TAFA2: variants seen among roughly 807,000 people sequenced by gnomAD.
The protein encoded by TAFA2 is chemokine-like protein TAFA-2.
In TAFA2, 7 loss-of-function variants were observed where a neutral mutation model predicts 18.8. The ratio of observed to expected loss-of-function variants is 0.37; its 90% CI spans 0.21 to 0.70. TAFA2 has a LOEUF of 0.70. Ranked by LOEUF, TAFA2 falls within the 30% of genes least tolerant of loss-of-function variation. The probability of loss-of-function intolerance (pLI) is 0.53; values close to 1 mark genes in which losing one functional copy is unlikely to be tolerated. For missense variants in TAFA2, 122 were observed against 158.1 expected (o/e 0.77, Z 1.23); for synonymous variants, 60 against 54.2 (o/e 1.11, Z -0.47).
At chr12:62,011,536 A>G (rs1040663082) in intron 1 of TAFA2, among the ~76,000 whole-genome samples, 10 of 152,132 alleles carry the variant, frequency 6.6e-5, no homozygotes, top group African/African-American at 2.4e-4. Flanking sequence ...TGTTAAACAG[A>G]TGCTTGAAGG....
chr12:61,765,167 G>C (rs1592374298), intron 2 of TAFA2, among the ~76,000 whole-genome samples: 2 of 152,114 alleles, frequency 1.3e-5, no homozygotes, highest in Admixed American at 1.3e-4. Flanking sequence ...GCTTTTTCAA[G>C]TCCAGGCTTA....
chr12:62,126,290 T>C (rs1465105480), intron 1 of TAFA2, among the ~76,000 whole-genome samples: 1 of 152,128 alleles, frequency 6.6e-6, no homozygotes, highest in African/African-American at 2.4e-5. Context: ...ATAATTTTAA[T>C]ACAATGTGCC....
chr12:61,774,273 C>T (rs1302306374), intron 2 of TAFA2, among the ~76,000 whole-genome samples: 1 of 151,836 alleles, frequency 6.6e-6, no homozygotes, highest in Non-Finnish European at 1.5e-5. Context: ...TGTGGATACT[C>T]CTTAAAGAAT....
intron 1 of TAFA2, among the ~76,000 whole-genome samples, chr12:62,063,873 C>CAT (rs1182007791): frequency 3.3e-5 from 5 of 151,910 alleles, no homozygotes; most frequent in African/African-American, 1.2e-4. Flanking sequence ...CACACACACA[C>CAT]ACACACACAC....
chr12:62,150,729 C>A (rs1343073966), intron 1 of TAFA2, among the ~76,000 whole-genome samples: 1 of 151,882 alleles, frequency 6.6e-6, no homozygotes, highest in African/African-American at 2.4e-5. Flanking sequence ...ATGGTGAAAC[C>A]CCATCTCTAC....
intron 2 of TAFA2, among the ~76,000 whole-genome samples, chr12:61,810,986 A>AT (rs372277105): frequency 0.028 from 4,160 of 149,432 alleles, 371 homozygotes; most frequent in African/African-American, 0.097. Context: ...AGAATTGATG[A>AT]TTTTTTTTTT....
intron 1 of TAFA2, among the ~76,000 whole-genome samples, chr12:62,044,042 C>T (rs76529820): frequency 0.032 from 4,815 of 152,154 alleles, 254 homozygotes; most frequent in African/African-American, 0.11. Flanking sequence ...TCTACACAAT[C>T]TGCAAACCTT....
intron 1 of TAFA2, among the ~76,000 whole-genome samples, chr12:62,017,758 G>A (rs916602444): frequency 6.6e-6 from 1 of 152,080 alleles, no homozygotes; most frequent in Non-Finnish European, 1.5e-5. Context: ...ATAAACAGCT[G>A]TACCAAGTGA....
At chr12:61,897,956 T>C (rs1875926695) in intron 1 of TAFA2, among the ~76,000 whole-genome samples, 1 of 152,124 alleles carries the variant, frequency 6.6e-6, no homozygotes, top group Admixed American at 6.5e-5. Flanking sequence ...CAAGATACAA[T>C]GGGGGTGCAG....
chr12:61,751,252 T>C (rs1272939903), intron 4 of TAFA2, among the ~76,000 whole-genome samples: 1 of 152,102 alleles, frequency 6.6e-6, no homozygotes, highest in East Asian at 1.9e-4. Context: ...AACTTTTTGC[T>C]TCATTTGTAG....
intron 2 of TAFA2, among the ~76,000 whole-genome samples, chr12:61,808,774 C>G (rs1324326573): frequency 6.6e-6 from 1 of 151,406 alleles, no homozygotes; most frequent in African/African-American, 2.5e-5. Context: ...TCAATGTTGT[C>G]ACAGTAGCCT....
At chr12:62,237,519 T>A (rs895162211) in intron 1 of TAFA2, among the ~76,000 whole-genome samples, 4 of 152,228 alleles carry the variant, frequency 2.6e-5, no homozygotes, top group African/African-American at 9.6e-5. Context: ...ACTATTACCA[T>A]GTCATTAGAA....
chr12:61,955,635 ATATATATATATATATAT>A (rs1878660567), intron 1 of TAFA2, among the ~76,000 whole-genome samples: 4 of 12,472 alleles, frequency 3.2e-4, no homozygotes, highest in East Asian at 3.2e-3. Context: ...AAAAAAAAAT[ATATATATATATATATAT>A]ATATATATAT....
intron 2 of TAFA2, among the ~76,000 whole-genome samples, chr12:61,804,701 A>G (rs146328636): frequency 1.3e-5 from 2 of 152,136 alleles, no homozygotes; most frequent in African/African-American, 4.8e-5. Context: ...CCTTTGAAGC[A>G]CTTTCTGGCT....
At chr12:61,779,266 A>C (rs1034479472) in intron 2 of TAFA2, among the ~76,000 whole-genome samples, 2 of 151,812 alleles carry the variant, frequency 1.3e-5, no homozygotes, top group Non-Finnish European at 2.9e-5. Flanking sequence ...ATCCAAAGAG[A>C]GTTTAATCCA....
At chr12:62,145,327 G>A (rs140101696) in intron 1 of TAFA2, among the ~76,000 whole-genome samples, 13 of 152,326 alleles carry the variant, frequency 8.5e-5, no homozygotes, top group South Asian at 4.1e-4. Context: ...TCAGATTCTC[G>A]TAGGAGCCAG....
At position 61,768,170 on chromosome 12, in the gene TAFA2, TAGAGGGAGAGAACC is replaced by T. The variant is rs553318560; in HGVS notation, c.107-13160_107-13147del. ...TACTTTTAAAAAACCTAGAAAGCAG[TAGAGGGAGAGAACC>T]AGGCACACAAAAACTAAAATAAATT... On this transcript the variant is annotated intron_variant, in intron 2 of 4. Transcript: ENST00000416284. Among the ~76,000 whole-genome samples the T allele has an allele frequency of 2.3e-3, 353 of 152,028 alleles. 3 individuals are homozygous for T. The highest frequency in any genetic ancestry group is 2.5e-3 in the Non-Finnish European group (167 of 67,976).
At chr12:62,182,798 T>C (rs1183994899) in intron 1 of TAFA2, among the ~76,000 whole-genome samples, 3 of 152,262 alleles carry the variant, frequency 2.0e-5, no homozygotes, top group African/African-American at 7.2e-5. Flanking sequence ...ATATTTTTCT[T>C]CACAATCCAT....
chr12:61,978,491 G>A (rs905042813), intron 1 of TAFA2, among the ~76,000 whole-genome samples: 13 of 151,876 alleles, frequency 8.6e-5, no homozygotes, highest in Admixed American at 6.6e-4. Flanking sequence ...AGAAAGAAAG[G>A]AGGATTGACA....
Sources: gnomAD v4.1 joint callset for allele counts (sites outside exome capture counted in the v4.1 genomes callset) on GRCh38, gnomAD v4.1.1 for gene constraint, MANE v1.5 for transcripts, NCBI Gene and HGNC (gene_info 2026-07-23, HGNC 2026-07-21) for gene names.